The following ADCY9 variants were observed in gnomAD, a reference collection of about 807,000 sequenced individuals.
The protein encoded by ADCY9 is adenylate cyclase type 9.
Under a neutral mutation model 101.5 loss-of-function variants are expected in ADCY9, and 50 were observed. That is an observed-to-expected ratio of 0.49 (90% CI 0.39 to 0.62). The LOEUF (loss-of-function observed/expected upper bound fraction) is 0.62. ADCY9 is among the 20% of genes least tolerant of loss of function. The probability of loss-of-function intolerance (pLI) is 0.00; values close to 1 mark genes in which losing one functional copy is unlikely to be tolerated. For synonymous variants in ADCY9, 905 were observed against 769.3 expected (o/e 1.18, Z -2.92); for missense variants, 1,662 against 1,800.4 (o/e 0.92, Z 1.39).
intron 10 of ADCY9, 115 bp from the exon 11 acceptor site, chr16:3,967,081 C>T: frequency 1.2e-6 from 1 of 808,774 alleles, no homozygotes; most frequent in South Asian, 1.8e-5. Context: ...CAACCTGAAG[C>T]TGTCAAGCTG....
chr16:4,091,132 G>A (rs1015378110), intron 2 of ADCY9, among the ~76,000 whole-genome samples: 2 of 152,064 alleles, frequency 1.3e-5, no homozygotes, highest in Admixed American at 6.6e-5. Context: ...GGAGCGCAGT[G>A]GCATGACCTC....
chr16:4,090,576 G>C (rs1402742715), intron 2 of ADCY9, among the ~76,000 whole-genome samples: 1 of 152,084 alleles, frequency 6.6e-6, no homozygotes, highest in Non-Finnish European at 1.5e-5. Context: ...CCAGCAGGCA[G>C]AGTCCTGGCT....
In ADCY9 at chr16:4,062,195, T is replaced by C. The variant is rs1468415376; in HGVS notation, c.1693+51555A>G. On this transcript the variant is annotated intron_variant, in intron 2 of 10. Coordinates refer to ENST00000294016, the MANE Select transcript of ADCY9 (RefSeq NM_001116.4). Reference sequence around the variant, plus strand: ...ATATAGATCTTTAAAAAGTAGACTGTGATGAGATGCATATTGCAATCCTTA... The same window carrying C: ...ATATAGATCTTTAAAAAGTAGACTGCGATGAGATGCATATTGCAATCCTTA... Among the ~76,000 whole-genome samples, 3 of 152,098 alleles carry C rather than the reference T, an allele frequency of 2.0e-5. No individual in the cohort carries two copies. The East Asian group carries it at 5.8e-4, about 29-fold the overall frequency.
rs569461305 is a variant in ADCY9, at chr16:4,083,973, G to A, written c.1693+29777C>T. On this transcript the variant is annotated intron_variant, in intron 2 of 10. Coordinates refer to ENST00000294016, the MANE Select transcript of ADCY9 (RefSeq NM_001116.4). Reference sequence around the variant, plus strand: ...AACTGTACACTTAAACTGCTGAATTGTGTGACATGTGAATTACATCTCAAT... The same window carrying A: ...AACTGTACACTTAAACTGCTGAATTATGTGACATGTGAATTACATCTCAAT... 1.6e-3 allele frequency among the ~76,000 whole-genome samples: 242 copies of A among 152,296 alleles called. 1 individual carries two copies. The highest frequency in any genetic ancestry group is 2.8e-3 in the Non-Finnish European group (191 of 68,022).
At chr16:4,096,285 G>A (rs1003264799) in intron 2 of ADCY9, among the ~76,000 whole-genome samples, 5 of 152,154 alleles carry the variant, frequency 3.3e-5, no homozygotes, top group Non-Finnish European at 2.9e-5. Flanking sequence ...TCCCAATCAC[G>A]TGAGAATCTC....
At position 4,114,414 on chromosome 16, in the gene ADCY9, G is replaced by C; in HGVS notation, c.1029C>G (p.Ala343=). ...MIHSVMPRII[A]DDLMKQGDEE... ...CATCTCCCTGCTTCATTAAGTCATC[G>C]GCTATGATTCTTGGCATCACGGAAT... Residue 343 remains alanine, a synonymous_variant, in exon 2 of 11, where the codon GCC becomes GCG. Coordinates refer to ENST00000294016, the MANE Select transcript of ADCY9 (RefSeq NM_001116.4). The surrounding 1 kb of genome is among the most constrained non-coding windows in gnomAD (Gnocchi z 4.3). 1 of 1,614,064 alleles carries C rather than the reference G, an allele frequency of 6.2e-7. No individual in the cohort carries two copies. The highest frequency in any genetic ancestry group is 8.5e-7 in the Non-Finnish European group (1 of 1,180,026).
At chr16:3,956,505 G>GA (rs1185563951) in intron 5 of ADCY9, among the ~76,000 whole-genome samples, 32 of 5,892 alleles carry the variant, frequency 5.4e-3, no homozygotes, top group Non-Finnish European at 2.5e-3. Context: ...TTTTTTTTTG[G>GA]GGGGGGATGG....
chr16:4,114,799 T>C lies in ADCY9; in HGVS notation c.644A>G (p.Asp215Gly), dbSNP rs755314870. ...SNLTATARPT[D>G]TCLSQVGSFS... ...GCTCCCCACTTGAGATAAGCAAGTATCTGTGGGCCGGGCTGTGGCCGTAAG... is the reference window on the plus strand; with the variant it reads ...GCTCCCCACTTGAGATAAGCAAGTACCTGTGGGCCGGGCTGTGGCCGTAAG... The change falls in exon 2 of 11, where the codon GAT (aspartate) becomes GGT (glycine). Residue 215 changes from aspartate (D) to glycine (G), a missense_variant. Physicochemically the swap from Asp to Gly is moderately conservative, Grantham distance 94. Coordinates refer to ENST00000294016, the MANE Select transcript of ADCY9 (RefSeq NM_001116.4). The surrounding 1 kb of genome is among the most constrained non-coding windows in gnomAD (Gnocchi z 4.3). 4 of 1,613,238 alleles carry C rather than the reference T, an allele frequency of 2.5e-6. No homozygotes were observed. In the African/African-American group the frequency reaches 5.3e-5, roughly 22 times the overall value.
Position 3,979,273 on chromosome 16 carries a change from A to T in ADCY9, c.2522T>A (p.Met841Lys). 6.2e-7 allele frequency: 1 copy of T among 1,613,636 alleles called. No individual in the cohort carries two copies. The highest frequency in any genetic ancestry group is 8.5e-7 in the Non-Finnish European group (1 of 1,179,892). Residue 841 changes from methionine to lysine, a missense_variant and splice_region_variant, in exon 8 of 11, where the codon ATG (methionine) becomes AAG (lysine). By Grantham distance (95) the Met-to-Lys change is moderately conservative. This residue lies in a region of ADCY9 where 624 missense variants were observed against 639.1 expected (regional missense o/e 0.98). Coordinates refer to ENST00000294016, the MANE Select transcript of ADCY9 (RefSeq NM_001116.4). The stretch of plus-strand genomic sequence containing the variant: ...CATGACGTCCTCCAGGAAGAACACC[A>T]TCCTGCGAGAGGCATGGGGGTTAGC... Reference protein sequence around the residue: ...EVLSLAVSIRMVFFLEDVMAC... With the variant: ...EVLSLAVSIRKVFFLEDVMAC...
At position 4,093,571 on chromosome 16, in the gene ADCY9, A is replaced by T. The variant is rs193274240; in HGVS notation, c.1693+20179T>A. ...TTCAACTTTTTTTTTGTCTCTACAT[A>T]AAAAAAGTATTTTTGTCTCTACAAA... On this transcript the variant is annotated intron_variant, in intron 2 of 10. Coordinates refer to ENST00000294016, the MANE Select transcript of ADCY9 (RefSeq NM_001116.4). Among the ~76,000 whole-genome samples the T allele has an allele frequency of 5.3e-5, 8 of 152,256 alleles. No homozygotes were observed. The East Asian group carries it at 1.5e-3, about 29-fold the overall frequency.
chr16:4,066,893 T>C (rs778739873), intron 2 of ADCY9, among the ~76,000 whole-genome samples: 5 of 152,232 alleles, frequency 3.3e-5, no homozygotes, highest in Non-Finnish European at 7.3e-5. Context: ...TTCATTTACA[T>C]ATAATTCAAA....
intron 2 of ADCY9, chr16:4,015,512 C>T (rs2056432819): frequency 6.6e-6 from 1 of 152,292 alleles, no homozygotes; most frequent in South Asian, 2.1e-4. Context: ...TTCATTTGCT[C>T]ATTCGCTCGT....
At chr16:4,107,775 G>C (rs2141206506) in intron 2 of ADCY9, among the ~76,000 whole-genome samples, 1 of 152,234 alleles carries the variant, frequency 6.6e-6, no homozygotes, top group Non-Finnish European at 1.5e-5. Flanking sequence ...CCCGTGCTCA[G>C]GGTTAATGGG....
intron 3 of ADCY9, among the ~76,000 whole-genome samples, chr16:3,998,904 C>T (rs1168730743): frequency 6.6e-6 from 1 of 151,998 alleles, no homozygotes; most frequent in African/African-American, 2.4e-5. Flanking sequence ...TCCCACCATG[C>T]AATGGTGGGT....
At chr16:4,110,036 G>A (rs1276606734) in intron 2 of ADCY9, among the ~76,000 whole-genome samples, 3 of 152,164 alleles carry the variant, frequency 2.0e-5, no homozygotes, top group East Asian at 1.9e-4. Context: ...CTGTCCACCT[G>A]GAGAGCCACA....
intron 2 of ADCY9, among the ~76,000 whole-genome samples, chr16:4,071,837 G>C (rs902280285): frequency 6.6e-6 from 1 of 152,162 alleles, no homozygotes; most frequent in South Asian, 2.1e-4. Flanking sequence ...TTTTGAGACA[G>C]AGTCTCACTG....
In ADCY9 at chr16:4,114,087, G is replaced by C. The variant is rs530342246; in HGVS notation, c.1356C>G (p.Pro452=). The C allele has an allele frequency of 6.2e-7, 1 of 1,613,804 alleles. No homozygotes were observed. Among genetic ancestry groups the C allele is most frequent in the South Asian group, 1.1e-5 (1 of 91,078 alleles). The part of the protein sequence containing the change: ...GDCYYCVAGC[P]EPRADHAYCC... ...AGTAGGCATGGTCGGCCCGGGGCTC[G>C]GGACAGCCCGCCACGCAGTAGTAAC... Residue 452 remains proline, a synonymous_variant, in exon 2 of 11, where the codon CCC becomes CCG. Coordinates refer to ENST00000294016, the MANE Select transcript of ADCY9 (RefSeq NM_001116.4). The surrounding 1 kb of genome is among the most constrained non-coding windows in gnomAD (Gnocchi z 4.3).
chr16:4,028,593 A>C (rs1238977427), intron 2 of ADCY9, among the ~76,000 whole-genome samples: 1 of 152,206 alleles, frequency 6.6e-6, no homozygotes, highest in East Asian at 1.9e-4. Context: ...TGGGACTGGA[A>C]GCAGGTATTG....
intron 2 of ADCY9, among the ~76,000 whole-genome samples, chr16:4,017,949 C>T (rs541545840): frequency 6.6e-6 from 1 of 152,344 alleles, no homozygotes; most frequent in South Asian, 2.1e-4. Context: ...CATGGTGAGC[C>T]CAGCCACACC....
Sources: gnomAD v4.1 joint callset for allele counts (sites outside exome capture counted in the v4.1 genomes callset) on GRCh38, gnomAD v4.1.1 for gene constraint, gnomAD v4.1.1 regional missense constraint, Gnocchi (gnomAD v3.1) non-coding constraint, MANE v1.5 for transcripts, NCBI Gene and HGNC (gene_info 2026-07-23, HGNC 2026-07-21) for gene names.